LRRC66: variants seen among roughly 807,000 people sequenced by gnomAD.
LRRC66 encodes the protein leucine rich repeat containing 66.
A neutral mutation model predicts 24.6 loss-of-function variants in LRRC66; 29 were observed. That is an observed-to-expected ratio of 1.18 (90% CI 0.88 to 1.61). The LOEUF (loss-of-function observed/expected upper bound fraction) is 1.61. Ranked by LOEUF, LRRC66 falls within the 40% of genes most tolerant of loss-of-function variation. The probability of loss-of-function intolerance (pLI) is 0.00; values close to 1 mark genes in which losing one functional copy is unlikely to be tolerated. For synonymous variants in LRRC66, 411 were observed against 397.6 expected (o/e 1.03, Z -0.40); for missense variants, 1,124 against 1,058.0 (o/e 1.06, Z -0.87).
chr4:52,018,386 G>C, intron 1 of LRRC66: 2 of 983,890 alleles, frequency 2.0e-6, no homozygotes, highest in Non-Finnish European at 2.4e-6. Context: ...GTTTAAAAAT[G>C]GGTAATTTTT....
Position 51,995,538 on chromosome 4 carries a change from G to A in LRRC66, c.1484C>T (p.Thr495Ile), listed in dbSNP as rs762171816. Reference protein sequence around the residue: ...SQSPGQCGDNTGAGSGNDGAV... With the variant: ...SQSPGQCGDNIGAGSGNDGAV... ...ACCATCATTTCCACTTCCTGCCCCG[G>A]TGTTGTCCCCGCACTGTCCTGGGCT... Residue 495 changes from threonine to isoleucine, a missense_variant, in exon 5 of 5, where the codon ACC (threonine) becomes ATC (isoleucine). Thr to Ile is a moderately conservative substitution (Grantham distance 89, BLOSUM62 -1). Coordinates refer to ENST00000682860, the MANE Select transcript of LRRC66 (RefSeq NM_001024611.3). 6.2e-7 allele frequency: 1 copy of A among 1,614,128 alleles called. No individual in the cohort carries two copies. The highest frequency in any genetic ancestry group is 1.1e-5 in the South Asian group (1 of 91,074).
At chr4:51,998,806 C>G (rs573247374) in intron 3 of LRRC66, among the ~76,000 whole-genome samples, 30 of 152,236 alleles carry the variant, frequency 2.0e-4, no homozygotes, top group African/African-American at 6.5e-4. Flanking sequence ...CTGCTGGGTC[C>G]CAGACATGCT....
rs753703506 is a variant in LRRC66, at chr4:52,017,311, G to A, written c.303C>T (p.Thr101=). The A allele has an allele frequency of 1.3e-5, 21 of 1,613,982 alleles. No individual in the cohort carries two copies. Among genetic ancestry groups the A allele is most frequent in the Non-Finnish European group, 8.5e-7 (1 of 1,179,994 alleles). Residue 101 remains threonine (T), a synonymous_variant, in exon 2 of 5, where the codon ACC becomes ACT. Transcript: ENST00000682860. ...DLSNNLISKI[T]LSPFAYLHAL... Reference sequence around the variant, plus strand: ...CATGTAAATATGCAAAAGGGCTTAAGGTTATTTTTGATATGAGATTGTTAC... The same window carrying A: ...CATGTAAATATGCAAAAGGGCTTAAAGTTATTTTTGATATGAGATTGTTAC...
chr4:51,995,636 C>T lies in LRRC66; in HGVS notation c.1386G>A (p.Gln462=). ...GAATTACGGTGGCGTGTGGGTGTGG[C>T]TGTGTCACCCAGAAAGGGGTCTGGT... is the stretch of plus-strand genomic sequence containing the variant. ...YENQTPFWVT[Q]PHPHATVIPD... Residue 462 remains glutamine (Q), a synonymous_variant, in exon 5 of 5, where the codon CAG becomes CAA. Transcript: ENST00000682860. The T allele has an allele frequency of 1.9e-6, 3 of 1,614,030 alleles. No homozygotes were observed. Among genetic ancestry groups the T allele is most frequent in the Non-Finnish European group, 2.5e-6 (3 of 1,179,996 alleles).
intron 2 of LRRC66, among the ~76,000 whole-genome samples, chr4:52,013,496 A>C (rs1056423829): frequency 2.6e-5 from 4 of 152,238 alleles, no homozygotes; most frequent in Admixed American, 1.3e-4. Context: ...GATTAACCAG[A>C]GACTGATCCC....
chr4:51,997,690 G>T, intron 4 of LRRC66, 58 bp downstream of exon 4: 3 of 1,470,046 alleles, frequency 2.0e-6, no homozygotes, highest in South Asian at 2.4e-5. Flanking sequence ...AGACTAAAAT[G>T]TCTATGTGCA....
chr4:52,017,378 T>G lies in LRRC66; in HGVS notation c.236A>C (p.His79Pro), dbSNP rs962238174. ...TATTTTCCACTCTTCTTTTTTCGTG[T>G]GAGACTGTAAGAGAACTCTAAAGAA... ...FNFFRVLLQS[H>P]TKKEEWKIKH... is the part of the protein sequence containing the mutation. The change falls in exon 2 of 5, where the codon CAC (histidine) becomes CCC (proline). Residue 79 changes from histidine (H) to proline (P), a missense_variant. Physicochemically the swap from His to Pro is moderately conservative, Grantham distance 77 (BLOSUM62 -2). Transcript: ENST00000682860. 8.7e-6 allele frequency: 14 copies of G among 1,614,188 alleles called. No homozygotes were observed. Among genetic ancestry groups the G allele is most frequent in the Non-Finnish European group, 1.2e-5 (14 of 1,180,012 alleles).
chr4:51,997,755 C>A lies in LRRC66; in HGVS notation c.849G>T (p.Arg283Ser), dbSNP rs371432663. 1.9e-6 allele frequency: 3 copies of A among 1,613,632 alleles called. No homozygotes were observed. The highest frequency in any genetic ancestry group is 2.5e-6 in the Non-Finnish European group (3 of 1,179,762). ...WRKKWNVICN[R>S]SIGSEEANGG... is the part of the protein sequence containing the mutation. ...GAGACATTACTGACTTACCTATAGA[C>A]CTGTTGCAAATGACATTCCACTTTT... The change falls in exon 4 of 5, where the codon AGG (arginine) becomes AGT (serine). Residue 283 changes from arginine to serine, a missense_variant. Physicochemically the swap from Arg to Ser is moderately radical, Grantham distance 110. Transcript: ENST00000682860.
chr4:52,016,656 C>T (rs907662990), intron 2 of LRRC66, among the ~76,000 whole-genome samples: 3 of 152,010 alleles, frequency 2.0e-5, no homozygotes, highest in Non-Finnish European at 4.4e-5. Context: ...TATTAGGATA[C>T]TTCTGCTGTA....
At chr4:52,002,850 G>C (rs564120448) in intron 3 of LRRC66, among the ~76,000 whole-genome samples, 1 of 152,200 alleles carries the variant, frequency 6.6e-6, no homozygotes, top group Non-Finnish European at 1.5e-5. Flanking sequence ...GTTCCATATT[G>C]CATAAGACCC....
chr4:52,015,682 A>C (rs1358524127), intron 2 of LRRC66, among the ~76,000 whole-genome samples: 1 of 152,200 alleles, frequency 6.6e-6, no homozygotes, highest in East Asian at 1.9e-4. Context: ...ACCAGTTAAA[A>C]ATTTTTGTTA....
chr4:51,998,730 G>A (rs536452369), intron 3 of LRRC66, among the ~76,000 whole-genome samples: 7 of 152,344 alleles, frequency 4.6e-5, no homozygotes, highest in Admixed American at 1.3e-4. Context: ...TGTCGGACAC[G>A]ACAGGAGCAT....
rs567403383 is a variant in LRRC66, at chr4:52,018,096, T to G, written c.-5-478A>C. 14 of 985,394 alleles carry G rather than the reference T, an allele frequency of 1.4e-5. 1 individual carries two copies. The South Asian group carries it at 6.1e-4, about 43-fold the overall frequency. 61.0% of individuals were successfully genotyped at this position (985,394 alleles called of 1,614,324 possible). A position where few individuals can be genotyped will look rare whatever the true frequency, so the allele number is the denominator to read the frequency against. On this transcript the variant is annotated intron_variant, in intron 1 of 4. Coordinates refer to ENST00000682860, the MANE Select transcript of LRRC66 (RefSeq NM_001024611.3). ...CCGTGACCCTCCATAACTCTATGAGTAAAAAGTTTAACTCACAAAAGAGGC... is the reference window on the plus strand; with the variant it reads ...CCGTGACCCTCCATAACTCTATGAGGAAAAAGTTTAACTCACAAAAGAGGC...
chr4:52,017,867 T>C (rs1736856634), intron 1 of LRRC66: 13 of 985,300 alleles, frequency 1.3e-5, no homozygotes, highest in African/African-American at 1.7e-5. Flanking sequence ...AAAATACATA[T>C]TCAGTTAGGC....
rs1477798137 is a variant in LRRC66 at position 52,003,329 on chromosome 4, C to G, written c.560G>C (p.Gly187Ala). The G allele has an allele frequency of 6.2e-7, 1 of 1,613,624 alleles. No individual in the cohort carries two copies. Among genetic ancestry groups the G allele is most frequent in the African/African-American group, 1.3e-5 (1 of 74,886 alleles). The change falls in exon 3 of 5, where the codon GGG becomes GCG. Residue 187 changes from glycine (G) to alanine (A), a missense_variant. Gly to Ala is a moderately conservative substitution (Grantham distance 60). Transcript: ENST00000682860. ...CAGGCAGTTGTGAAAATCAGACCAC[C>G]CTATTTGCAATATCCCATTGAATGA... ...DLSFNGILQIGWSDFHNCLQL... is the reference protein window; with the variant it reads ...DLSFNGILQIAWSDFHNCLQL...
chr4:52,017,441 A>G lies in LRRC66; in HGVS notation c.173T>C (p.Ile58Thr). ...FTGKCDIPVD[I>T]SQTAATVDVS... ...ATCCACAGTGGCTGCTGTCTGTGAT[A>G]TGTCCACAGGTATATCACACTTTCC... is the stretch of plus-strand genomic sequence containing the variant. Residue 58 changes from isoleucine to threonine, a missense_variant, in exon 2 of 5, where the codon ATA (isoleucine) becomes ACA (threonine). Ile to Thr is a moderately conservative substitution (Grantham distance 89, BLOSUM62 -1). Transcript: ENST00000682860. The G allele has an allele frequency of 6.2e-7, 1 of 1,614,098 alleles. No homozygotes were observed. Among genetic ancestry groups the G allele is most frequent in the South Asian group, 1.1e-5 (1 of 91,070 alleles).
rs935537306 is a variant in LRRC66, at chr4:52,017,503, T to C, written c.111A>G (p.Gln37=). Residue 37 remains glutamine, a synonymous_variant, in exon 2 of 5, where the codon CAA becomes CAG. Coordinates refer to ENST00000682860, the MANE Select transcript of LRRC66 (RefSeq NM_001024611.3). ...AATTTGTCAGAATATATTCATTCCA[T>C]TGGCATTCAGAATTGAATAAAATAT... The part of the protein sequence containing the change: ...KSNILFNSEC[Q]WNEYILTNCS... 2.5e-6 allele frequency: 4 copies of C among 1,613,788 alleles called. No homozygotes were observed. The highest frequency in any genetic ancestry group is 1.7e-5 in the Admixed American group (1 of 59,988).
At chr4:52,020,161 C>CA (rs1291399010) in intron 1 of LRRC66, among the ~76,000 whole-genome samples, 143 bp downstream of exon 1, 2 of 149,928 alleles carry the variant, frequency 1.3e-5, no homozygotes, top group African/African-American at 4.9e-5. Context: ...GAAGGCAGCA[C>CA]AAAAAAACAA....
chr4:52,015,836 A>G (rs528471818), intron 2 of LRRC66, among the ~76,000 whole-genome samples: 1 of 152,348 alleles, frequency 6.6e-6, no homozygotes, highest in East Asian at 1.9e-4. Flanking sequence ...TTAATTATAT[A>G]AAGTTATTAA....
Sources: gnomAD v4.1 joint callset for allele counts (sites outside exome capture counted in the v4.1 genomes callset) on GRCh38, gnomAD v4.1.1 for gene constraint, MANE v1.5 for transcripts, NCBI Gene and HGNC (gene_info 2026-07-23, HGNC 2026-07-21) for gene names.